GRID1: variants seen among roughly 807,000 people sequenced by gnomAD.
The protein encoded by GRID1 is glutamate ionotropic receptor delta type subunit 1.
GRID1 carries 28 observed loss-of-function variants against 98.0 expected under a neutral mutation model. That is an observed-to-expected ratio of 0.29 (90% confidence interval 0.21 to 0.39). GRID1 has a LOEUF of 0.39. Among genes scored for constraint, GRID1 ranks in the 10% least tolerant of loss-of-function variants. The probability of loss-of-function intolerance (pLI) is 1.00; values close to 1 mark genes in which losing one functional copy is unlikely to be tolerated. For synonymous variants in GRID1, 553 were observed against 538.5 expected (o/e 1.03, Z -0.37); for missense variants, 1,111 against 1,340.5 (o/e 0.83, Z 2.67).
intron 4 of GRID1, among the ~76,000 whole-genome samples, chr10:85,941,748 C>T (rs1363893868): frequency 6.6e-6 from 1 of 152,160 alleles, no homozygotes; most frequent in Non-Finnish European, 1.5e-5. Context: ...AGGAGGTGTG[C>T]AAAAGAGGGC....
At chr10:86,257,915 C>G (rs1846950105) in intron 2 of GRID1, among the ~76,000 whole-genome samples, 1 of 152,162 alleles carries the variant, frequency 6.6e-6, no homozygotes, top group Non-Finnish European at 1.5e-5. Flanking sequence ...GTCTGTAATC[C>G]ACTGAAACAA....
intron 3 of GRID1, among the ~76,000 whole-genome samples, chr10:86,150,993 C>T (rs1367086922): frequency 2.0e-5 from 3 of 152,162 alleles, no homozygotes; most frequent in African/African-American, 7.2e-5. Flanking sequence ...CTGACTAGCA[C>T]ACAGCACGTC....
chr10:85,744,301 C>A (rs963975224), intron 8 of GRID1, among the ~76,000 whole-genome samples: 7 of 152,166 alleles, frequency 4.6e-5, no homozygotes, highest in Non-Finnish European at 1.0e-4. Context: ...AAGAGACTGT[C>A]AGAAATATTT....
chr10:86,308,648 G>A (rs1191087516), intron 2 of GRID1, among the ~76,000 whole-genome samples: 3 of 152,168 alleles, frequency 2.0e-5, no homozygotes, highest in Non-Finnish European at 2.9e-5. Context: ...TTGCTGTAAC[G>A]GAATGCTCGA....
At chr10:86,075,982 C>T (rs1843875945) in intron 4 of GRID1, among the ~76,000 whole-genome samples, 1 of 152,182 alleles carries the variant, frequency 6.6e-6, no homozygotes, top group South Asian at 2.1e-4. Flanking sequence ...CAGCTCATGC[C>T]CTAGGCATGG....
chr10:86,180,570 G>A (rs143918734), intron 3 of GRID1, among the ~76,000 whole-genome samples: 2 of 151,958 alleles, frequency 1.3e-5, no homozygotes, highest in Non-Finnish European at 2.9e-5. Context: ...AGCTGGGCTG[G>A]GCAGAGGCCT....
chr10:86,169,869 G>A (rs1023404559), intron 3 of GRID1, among the ~76,000 whole-genome samples: 3 of 152,140 alleles, frequency 2.0e-5, no homozygotes, highest in African/African-American at 4.8e-5. Context: ...GGCTCCACTG[G>A]GTCTTCTGAG....
intron 8 of GRID1, among the ~76,000 whole-genome samples, chr10:85,764,421 C>T (rs932885373): frequency 3.3e-5 from 5 of 152,192 alleles, no homozygotes; most frequent in African/African-American, 9.7e-5. Context: ...CTCAGTGAAG[C>T]CCAAAGTGGG....
intron 8 of GRID1, among the ~76,000 whole-genome samples, chr10:85,784,696 A>G (rs762195133): frequency 6.6e-6 from 1 of 152,178 alleles, no homozygotes; most frequent in Non-Finnish European, 1.5e-5. Context: ...GCCCATCTTA[A>G]GCTGATGGAG....
intron 4 of GRID1, among the ~76,000 whole-genome samples, chr10:86,048,057 A>G (rs1228547330): frequency 1.3e-5 from 2 of 152,130 alleles, no homozygotes; most frequent in African/African-American, 2.4e-5. Context: ...CCTCAAGTTC[A>G]CCATCCTTGC....
intron 13 of GRID1, among the ~76,000 whole-genome samples, chr10:85,623,439 T>C (rs1435067183): frequency 6.6e-6 from 1 of 152,240 alleles, no homozygotes; most frequent in Non-Finnish European, 1.5e-5. Flanking sequence ...TTCCTCCTTG[T>C]AGGGTCAGAA....
rs757721941 is a variant in GRID1 at position 86,206,481 on chromosome 10, C to G, written c.403G>C (p.Asp135His). ...RTACHLNPSP[D>H]GEAYTLASRP... ...GAAGCCAGTGTGTAGGCCTCACCATCGGGGCTGGGGTTCAGGTGGCATGCG... is the reference window on the plus strand; with the variant it reads ...GAAGCCAGTGTGTAGGCCTCACCATGGGGGCTGGGGTTCAGGTGGCATGCG... The change falls in exon 3 of 16, where the codon GAT becomes CAT. Residue 135 changes from aspartate (D) to histidine (H), a missense_variant. By Grantham distance (81) the Asp-to-His change is moderately conservative (BLOSUM62 -1). Transcript: ENST00000327946. The surrounding 1 kb of genome is among the most constrained non-coding windows in gnomAD (Gnocchi z 4.1). The G allele has an allele frequency of 6.2e-7, 1 of 1,614,058 alleles. No homozygotes were observed. Among genetic ancestry groups the G allele is most frequent in the African/African-American group, 1.3e-5 (1 of 74,924 alleles).
chr10:86,207,692 C>T (rs953243880), intron 2 of GRID1, among the ~76,000 whole-genome samples: 10 of 127,566 alleles, frequency 7.8e-5, no homozygotes, highest in South Asian at 2.6e-4. Context: ...AGTGCAGTGG[C>T]GCGATCTCGA....
chr10:85,908,823 G>A (rs1409817217), intron 5 of GRID1, among the ~76,000 whole-genome samples: 2 of 152,242 alleles, frequency 1.3e-5, no homozygotes, highest in African/African-American at 4.8e-5. Context: ...AAGAATGTCG[G>A]ATTGGCATAA....
chr10:85,626,947 T>C (rs917926410), intron 13 of GRID1, among the ~76,000 whole-genome samples: 3 of 152,220 alleles, frequency 2.0e-5, no homozygotes, highest in African/African-American at 7.2e-5. Flanking sequence ...GTGGGATTTA[T>C]CCTAAGGAAT....
At chr10:86,250,033 T>G (rs10887567) in intron 2 of GRID1, among the ~76,000 whole-genome samples, 8,154 of 150,968 alleles carry the variant, frequency 0.054, 339 homozygotes, top group African/African-American at 0.12. Flanking sequence ...GGGTGGGTAG[T>G]TGGATGGGTG....
intron 4 of GRID1, among the ~76,000 whole-genome samples, chr10:86,063,388 G>C (rs1454035238): frequency 6.6e-6 from 1 of 152,192 alleles, no homozygotes; most frequent in African/African-American, 2.4e-5. Flanking sequence ...GGAAATGCCA[G>C]AACGGGAACC....
chr10:86,333,515 T>C (rs1328148516), intron 2 of GRID1, among the ~76,000 whole-genome samples: 1 of 152,230 alleles, frequency 6.6e-6, no homozygotes, highest in Admixed American at 6.5e-5. Context: ...AAATGTTTGT[T>C]GAAAGTACAG....
At position 86,366,415 on chromosome 10, in the gene GRID1, C is replaced by A; in HGVS notation, c.-23G>T. The A allele has an allele frequency of 6.8e-7, 1 of 1,474,348 alleles. No homozygotes were observed. Among genetic ancestry groups the A allele is most frequent in the Non-Finnish European group, 9.0e-7 (1 of 1,106,756 alleles). 91.3% of individuals were successfully genotyped at this position (1,474,348 alleles called of 1,614,324 possible). A position where few individuals can be genotyped will look rare whatever the true frequency, so the allele number is the denominator to read the frequency against. On this transcript the variant is annotated 5_prime_UTR_variant, in exon 1 of 16. Coordinates refer to ENST00000327946, the MANE Select transcript of GRID1 (RefSeq NM_017551.3). The surrounding 1 kb of genome is among the most constrained non-coding windows in gnomAD (Gnocchi z 4.1). The stretch of plus-strand genomic sequence containing the variant: ...CATGTCCCCCGGGCGCGCGGCTCAT[C>A]CACCCGGGCCCGGGGCGAGGCCGAG...
Sources: gnomAD v4.1 joint callset for allele counts (sites outside exome capture counted in the v4.1 genomes callset) on GRCh38, gnomAD v4.1.1 for gene constraint, Gnocchi (gnomAD v3.1) non-coding constraint, MANE v1.5 for transcripts, NCBI Gene and HGNC (gene_info 2026-07-23, HGNC 2026-07-21) for gene names.